FGGY: variants seen among roughly 807,000 people sequenced by gnomAD.
FGGY encodes FGGY carbohydrate kinase domain-containing protein.
In FGGY, 72 loss-of-function variants were observed where a neutral mutation model predicts 71.3. The observed-to-expected ratio is 1.01, with a 90% CI of 0.84 to 1.23. The LOEUF (loss-of-function observed/expected upper bound fraction) is 1.23, where lower values mean the gene tolerates loss of function less well. FGGY is among the 50% of genes most tolerant of loss of function. The pLI is 0.00. For synonymous variants in FGGY, 251 were observed against 250.3 expected (o/e 1.00, Z -0.02); for missense variants, 668 against 682.3 (o/e 0.98, Z 0.23).
chr1:59,316,029 A>G (rs540848023), intron 1 of FGGY: 1 of 152,284 alleles, frequency 6.6e-6, no homozygotes, highest in South Asian at 2.1e-4. Flanking sequence ...CTCATTTCAA[A>G]TTTTTCCACC....
chr1:59,530,755 A>T (rs1351156901), intron 7 of FGGY, among the ~76,000 whole-genome samples: 1 of 152,218 alleles, frequency 6.6e-6, no homozygotes, highest in Non-Finnish European at 1.5e-5. Context: ...GCTGCAGAAT[A>T]CCGAGTATAC....
intron 8 of FGGY, among the ~76,000 whole-genome samples, chr1:59,603,185 G>A (rs1156745839): frequency 1.3e-5 from 2 of 152,182 alleles, no homozygotes; most frequent in African/African-American, 4.8e-5. Flanking sequence ...AACTGTGTGA[G>A]TAAATAAATG....
intron 14 of FGGY, among the ~76,000 whole-genome samples, chr1:59,698,052 A>T (rs1272536773): frequency 2.0e-5 from 3 of 151,828 alleles, no homozygotes; most frequent in Non-Finnish European, 4.4e-5. Flanking sequence ...TGCTTTCTGT[A>T]TTTTTTCTGG....
chr1:59,559,482 A>G (rs908552605), intron 8 of FGGY, among the ~76,000 whole-genome samples: 2 of 152,212 alleles, frequency 1.3e-5, no homozygotes, highest in African/African-American at 4.8e-5. Context: ...ATATACATAT[A>G]CAGGTTAGTA....
chr1:59,325,344 G>A (rs2047222007), intron 2 of FGGY, among the ~76,000 whole-genome samples: 1 of 147,036 alleles, frequency 6.8e-6, no homozygotes, highest in African/African-American at 2.5e-5. Flanking sequence ...GAGACAGAGT[G>A]GGACTCCGTG....
chr1:59,380,260 G>A (rs920277769), intron 5 of FGGY, among the ~76,000 whole-genome samples: 7 of 151,476 alleles, frequency 4.6e-5, no homozygotes, highest in African/African-American at 1.5e-4. Context: ...AAACATACAT[G>A]TGCATGTGTC....
At chr1:59,642,786 C>T (rs1302640448) in intron 11 of FGGY, among the ~76,000 whole-genome samples, 1 of 151,896 alleles carries the variant, frequency 6.6e-6, no homozygotes, top group East Asian at 1.9e-4. Flanking sequence ...AATCCCAACA[C>T]TTTGGGAGGC....
At chr1:59,574,130 C>T (rs371660128) in intron 8 of FGGY, among the ~76,000 whole-genome samples, 1 of 152,154 alleles carries the variant, frequency 6.6e-6, no homozygotes, top group Non-Finnish European at 1.5e-5. Context: ...TTATGGTTCT[C>T]GAGACTAGAA....
chr1:59,643,985 T>C (rs1572537579), intron 11 of FGGY, among the ~76,000 whole-genome samples: 1 of 152,322 alleles, frequency 6.6e-6, no homozygotes, highest in Non-Finnish European at 1.5e-5. Flanking sequence ...AAAGGGAGTT[T>C]AAACATGCAT....
At chr1:59,610,548 G>A (rs187150280) in intron 9 of FGGY, among the ~76,000 whole-genome samples, 5 of 152,198 alleles carry the variant, frequency 3.3e-5, no homozygotes, top group South Asian at 2.1e-4. Context: ...CAAGATGGCC[G>A]AATAGGAACA....
intron 14 of FGGY, chr1:59,698,788 G>A (rs1037805683): frequency 3.8e-5 from 37 of 985,224 alleles, no homozygotes; most frequent in Admixed American, 1.2e-4. Context: ...AAAGCGCAGC[G>A]CATACATTGA....
Position 59,378,752 on chromosome 1 carries a change from T to C in FGGY, c.469T>C (p.Leu157=). The part of the protein sequence containing the change: ...APKLLWLKEN[L]REICWDKAGH... The stretch of plus-strand genomic sequence containing the variant: ...TAATATATATTTAATTTGGCAGAAC[T>C]TGAGAGAGATTTGCTGGGATAAGGC... The change falls in exon 5 of 16, where the codon TTG becomes CTG. Residue 157 remains leucine (L), a synonymous_variant. Transcript: ENST00000303721. 6.2e-7 allele frequency: 1 copy of C among 1,612,976 alleles called. No homozygotes were observed. Among genetic ancestry groups the C allele is most frequent in the Non-Finnish European group, 8.5e-7 (1 of 1,179,314 alleles).
At chr1:59,567,423 A>G (rs956647907) in intron 8 of FGGY, among the ~76,000 whole-genome samples, 2 of 152,180 alleles carry the variant, frequency 1.3e-5, no homozygotes, top group African/African-American at 2.4e-5. Flanking sequence ...GTGTGGCACC[A>G]GGCAAAGACT....
chr1:59,421,406 T>A (rs66478136), intron 5 of FGGY, among the ~76,000 whole-genome samples: 63,920 of 151,826 alleles, frequency 0.42, 15,022 homozygotes, highest in African/African-American at 0.63. Context: ...AAAAATTTTT[T>A]AAAAGCCTGG....
intron 1 of FGGY, among the ~76,000 whole-genome samples, chr1:59,310,613 C>T (rs1201256243): frequency 6.6e-6 from 1 of 152,240 alleles, no homozygotes; most frequent in Admixed American, 6.5e-5. Context: ...GAAACTATCA[C>T]ATTTAAATGT....
chr1:59,417,160 T>C (rs762610892), intron 5 of FGGY, among the ~76,000 whole-genome samples: 2 of 152,222 alleles, frequency 1.3e-5, no homozygotes, highest in Admixed American at 1.3e-4. Context: ...ACTAGCCTAC[T>C]TTCTTTCTCT....
intron 6 of FGGY, among the ~76,000 whole-genome samples, chr1:59,493,095 A>AC (rs1290754669): frequency 3.5e-5 from 4 of 115,808 alleles, no homozygotes; most frequent in African/African-American, 6.9e-5. Flanking sequence ...TTACCAAACA[A>AC]AACACACACA....
chr1:59,363,973 A>G (rs2056099061), intron 4 of FGGY, among the ~76,000 whole-genome samples: 1 of 152,334 alleles, frequency 6.6e-6, no homozygotes, highest in East Asian at 1.9e-4. Context: ...TAAATGAACA[A>G]GTAAGGATGC....
At chr1:59,339,102 A>G (rs922274841) in intron 2 of FGGY, among the ~76,000 whole-genome samples, 12 of 152,230 alleles carry the variant, frequency 7.9e-5, no homozygotes, top group Admixed American at 5.9e-4. Context: ...CATTAAAAAT[A>G]TTGTATAAAA....
Sources: gnomAD v4.1 joint callset for allele counts (sites outside exome capture counted in the v4.1 genomes callset) on GRCh38, gnomAD v4.1.1 for gene constraint, MANE v1.5 for transcripts, NCBI Gene and HGNC (gene_info 2026-07-23, HGNC 2026-07-21) for gene names.